The following SRSF4 variants were observed in gnomAD, a reference collection of about 807,000 sequenced individuals.
SRSF4 encodes the protein serine/arginine-rich splicing factor 4.
A neutral mutation model predicts 48.8 loss-of-function variants in SRSF4; 12 were observed. That is an observed-to-expected ratio of 0.25 (90% CI 0.16 to 0.40). The LOEUF (loss-of-function observed/expected upper bound fraction) is 0.40. SRSF4 is among the 10% of genes least tolerant of loss of function. The probability of loss-of-function intolerance (pLI) is 1.00; values close to 1 mark genes in which losing one functional copy is unlikely to be tolerated. For synonymous variants in SRSF4, 248 were observed against 232.5 expected, an observed-to-expected ratio of 1.07 and a Z score of -0.61; for missense variants, 466 against 667.1, an observed-to-expected ratio of 0.70 and a Z score of 3.32.
intron 1 of SRSF4, among the ~76,000 whole-genome samples, chr1:29,181,005 C>T (rs1360635798): frequency 6.6e-6 from 1 of 152,196 alleles, no homozygotes; most frequent in Non-Finnish European, 1.5e-5. Context: ...TGCACGGAGT[C>T]TTAAAGATAA....
intron 3 of SRSF4, among the ~76,000 whole-genome samples, chr1:29,156,946 A>C (rs1312618875): frequency 2.0e-5 from 3 of 152,206 alleles, no homozygotes; most frequent in Admixed American, 6.5e-5. Flanking sequence ...GAAACGGTGA[A>C]AGGCAGGCAG....
intron 1 of SRSF4, among the ~76,000 whole-genome samples, chr1:29,178,578 G>T (rs935156651): frequency 6.6e-6 from 1 of 151,444 alleles, no homozygotes; most frequent in Non-Finnish European, 1.5e-5. Context: ...GGATGGTCTC[G>T]ATCTCCTGAC....
intron 1 of SRSF4, among the ~76,000 whole-genome samples, chr1:29,167,583 C>T (rs1672685912): frequency 6.6e-6 from 1 of 152,196 alleles, no homozygotes; most frequent in African/African-American, 2.4e-5. Context: ...CGGGGTTTCA[C>T]CATGTTGGTC....
intron 1 of SRSF4, chr1:29,172,552 A>T (rs1475910737): frequency 6.6e-6 from 1 of 152,186 alleles, no homozygotes; most frequent in Non-Finnish European, 1.5e-5. Context: ...TTGGCCTCCT[A>T]AAGTGCTGGA....
chr1:29,156,379 A>C (rs1481392808), intron 3 of SRSF4, among the ~76,000 whole-genome samples: 2 of 151,664 alleles, frequency 1.3e-5, no homozygotes, highest in Non-Finnish European at 2.9e-5. Context: ...TTTATTTTTT[A>C]AACTACTAAT....
In SRSF4 at chr1:29,154,851, A is replaced by G; in HGVS notation, c.423T>C (p.Asn141=). 1 of 1,613,726 alleles carries G rather than the reference A, an allele frequency of 6.2e-7. No homozygotes were observed. The highest frequency in any genetic ancestry group is 8.5e-7 in the Non-Finnish European group (1 of 1,179,990). ...TYADAHKGRK[N]EGVIEFVSYS... Reference sequence around the variant, plus strand: ...AAGATACAAATTCAATCACCCCTTCATTTTTGCGTCCCTTGTGAGCATCTG... The same window carrying G: ...AAGATACAAATTCAATCACCCCTTCGTTTTTGCGTCCCTTGTGAGCATCTG... The change falls in exon 4 of 6, where the codon AAT becomes AAC. Residue 141 remains asparagine, a synonymous_variant. Coordinates refer to ENST00000373795, the MANE Select transcript of SRSF4 (RefSeq NM_005626.5).
chr1:29,160,289 TA>T, intron 2 of SRSF4, 85 bp downstream of exon 2: 1 of 1,428,792 alleles, frequency 7.0e-7, no homozygotes, highest in Admixed American at 2.6e-5. Context: ...TCAATACGTT[TA>T]AATGTAATAT....
At chr1:29,178,353 C>CTTCTCTTTTTTT in intron 1 of SRSF4, among the ~76,000 whole-genome samples, 1 of 127,906 alleles carries the variant, frequency 7.8e-6, no homozygotes, top group African/African-American at 3.0e-5. Context: ...GTTTCAATTA[C>CTTCTCTTTTTTT]TTTTTTTTTT....
chr1:29,149,217 G>GGAGCCC lies in SRSF4; in HGVS notation c.672_677dup (p.Gly225_Ser226dup). On this transcript the variant is annotated inframe_insertion, in exon 6 of 6. Coordinates refer to ENST00000373795, the MANE Select transcript of SRSF4 (RefSeq NM_005626.5). ...GGCTCCGGCTCTTGCTCCGGGAGCGGGAGCCCGACCTGAGGAGACATGGGA... is the reference window on the plus strand; with the variant it reads ...GGCTCCGGCTCTTGCTCCGGGAGCGGGAGCCCGAGCCCGACCTGAGGAGACATGGGA... 6.2e-7 allele frequency: 1 copy of GGAGCCC among 1,607,456 alleles called. No individual in the cohort carries two copies. Among genetic ancestry groups the GGAGCCC allele is most frequent in the East Asian group, 2.2e-5 (1 of 44,876 alleles).
chr1:29,148,542 T>C lies in SRSF4; in HGVS notation c.1353A>G (p.Lys451=), dbSNP rs1333199873. ...AGCGTGATTCTGATGGAAGGTTTGG[T>C]TTCGATTTGGAATTGGATCTCGACC... The part of the protein sequence containing the change: ...RSRSRSNSKS[K]PNLPSESRSR... Residue 451 remains lysine (K), a synonymous_variant, in exon 6 of 6, where the codon AAA becomes AAG. Coordinates refer to ENST00000373795, the MANE Select transcript of SRSF4 (RefSeq NM_005626.5). 6.2e-7 allele frequency: 1 copy of C among 1,614,028 alleles called. No individual in the cohort carries two copies. The highest frequency in any genetic ancestry group is 1.7e-5 in the Admixed American group (1 of 59,992).
chr1:29,161,155 G>A (rs1672588593), intron 1 of SRSF4, among the ~76,000 whole-genome samples: 1 of 152,060 alleles, frequency 6.6e-6, no homozygotes, highest in Admixed American at 6.6e-5. Flanking sequence ...TTCTTTAAAT[G>A]GTATTGCTAC....
At chr1:29,175,240 C>G (rs896098852) in intron 1 of SRSF4, among the ~76,000 whole-genome samples, 2 of 150,708 alleles carry the variant, frequency 1.3e-5, no homozygotes, top group Non-Finnish European at 2.9e-5. Context: ...TGGTGAAACC[C>G]CGTTTCTACA....
intron 2 of SRSF4, chr1:29,159,884 C>A: frequency 5.5e-6 from 1 of 181,454 alleles, no homozygotes; most frequent in East Asian, 1.6e-4. Context: ...TTAATCTCAT[C>A]TGTGTCTAAC....
chr1:29,171,405 T>C lies in SRSF4; in HGVS notation c.107+10241A>G, dbSNP rs1487005524. On this transcript the variant is annotated intron_variant, in intron 1 of 5. Transcript: ENST00000373795. ...GAAGCTTTGAATGTCAATGCCCACA[T>C]GTATCTAGTATGGGAATTTAAAAAA... 6.1e-5 allele frequency: 9 copies of C among 147,872 alleles called. No individual in the cohort carries two copies. In the Admixed American group the frequency reaches 6.2e-4, roughly 10 times the overall value. The allele number at this position is 147,872 out of a possible 1,614,324, so 9.2% of individuals were successfully genotyped here.
At chr1:29,180,820 G>A (rs74586376) in intron 1 of SRSF4, among the ~76,000 whole-genome samples, 50 of 152,174 alleles carry the variant, frequency 3.3e-4, no homozygotes, top group Non-Finnish European at 6.6e-4. Flanking sequence ...AGTAGATTAA[G>A]AATACAAGTA....
Position 29,148,512 on chromosome 1 carries a change from T to C in SRSF4, c.1383A>G (p.Arg461=), listed in dbSNP as rs751848013. 3.7e-6 allele frequency: 6 copies of C among 1,614,058 alleles called. No homozygotes were observed. Among genetic ancestry groups the C allele is most frequent in the Middle Eastern group, 1.6e-4 (1 of 6,062 alleles). Residue 461 remains arginine (R), a synonymous_variant, in exon 6 of 6, where the codon AGA becomes AGG. Coordinates refer to ENST00000373795, the MANE Select transcript of SRSF4 (RefSeq NM_005626.5). ...KPNLPSESRS[R]SKSASKTRSR... ...ATCGGGTTTTTGAAGCTGACTTTGA[T>C]CTGGAGCGTGATTCTGATGGAAGGT...
chr1:29,174,560 G>A (rs1477867123), intron 1 of SRSF4, among the ~76,000 whole-genome samples: 1 of 151,924 alleles, frequency 6.6e-6, no homozygotes. Context: ...AAAGGATCAG[G>A]CTGTTAGGGT....
chr1:29,164,535 T>C (rs761624861), intron 1 of SRSF4, among the ~76,000 whole-genome samples: 9 of 152,238 alleles, frequency 5.9e-5, no homozygotes, highest in Non-Finnish European at 1.3e-4. Flanking sequence ...TGTGTACATA[T>C]ATGTATATAC....
rs763190651 is a variant in SRSF4, at chr1:29,148,438, G to C, written c.1457C>G (p.Ser486Cys). The C allele has an allele frequency of 6.2e-7, 1 of 1,607,602 alleles. No homozygotes were observed. Among genetic ancestry groups the C allele is most frequent in the African/African-American group, 1.3e-5 (1 of 75,024 alleles). Residue 486 changes from serine to cysteine, a missense_variant, in exon 6 of 6, where the codon TCT becomes TGT. Ser to Cys is a moderately radical substitution (Grantham distance 112). Around this residue, in one of 2 missense-constraint regions of SRSF4, gnomAD observed 402 missense variants for 437.0 expected, o/e 0.92. Transcript: ENST00000373795. ...GGACCTTGAGTGGGACCTAGATCTAGATCGGGAGGGCGATCTGGAAGCAGA... is the reference window on the plus strand; with the variant it reads ...GGACCTTGAGTGGGACCTAGATCTACATCGGGAGGGCGATCTGGAAGCAGA... The part of the protein sequence containing the change: ...SRSASRSPSR[S>C]RSRSHSRS
Sources: gnomAD v4.1 joint callset for allele counts (sites outside exome capture counted in the v4.1 genomes callset) on GRCh38, gnomAD v4.1.1 for gene constraint, gnomAD v4.1.1 regional missense constraint, MANE v1.5 for transcripts, NCBI Gene and HGNC (gene_info 2026-07-23, HGNC 2026-07-21) for gene names.